Variants in PHACTR1 observed in about 807,000 individuals in gnomAD.
PHACTR1 encodes the protein RPEL repeat containing 1.
In PHACTR1, 16 loss-of-function variants were observed where a neutral mutation model predicts 69.2. The observed-to-expected ratio is 0.23, with a 90% CI of 0.16 to 0.35. The LOEUF (loss-of-function observed/expected upper bound fraction) is 0.35, where lower values mean the gene tolerates loss of function less well. PHACTR1 is among the 10% of genes least tolerant of loss of function. The pLI, the probability that PHACTR1 is intolerant of heterozygous loss-of-function variation, is 1.00. For missense variants in PHACTR1, 510 were observed against 734.7 expected (o/e 0.69, Z 3.54); for synonymous variants, 312 against 284.5 (o/e 1.10, Z -0.97).
intron 13 of PHACTR1, among the ~76,000 whole-genome samples, chr6:13,284,543 A>AAAATATAT (rs1554187813): frequency 3.3e-5 from 2 of 61,352 alleles, no homozygotes; most frequent in African/African-American, 2.1e-4. Context: ...AAAAAAAAAA[A>AAAATATAT]ATATATATAT....
At chr6:12,987,134 A>G (rs895506498) in intron 4 of PHACTR1, among the ~76,000 whole-genome samples, 2 of 152,232 alleles carry the variant, frequency 1.3e-5, no homozygotes, top group African/African-American at 2.4e-5. Context: ...ATTATAGCCA[A>G]TAATCTATTA....
chr6:13,083,586 G>A lies in PHACTR1; in HGVS notation c.415+30057G>A, dbSNP rs572117485. On this transcript the variant is annotated intron_variant, in intron 5 of 14. Coordinates refer to ENST00000332995, the MANE Select transcript of PHACTR1 (RefSeq NM_030948.6). Reference sequence around the variant, plus strand: ...TTCTTCCTACCCATGAGCATGGAATGTTCTTCCATTTGTTTGTATCCTCTT... The same window carrying A: ...TTCTTCCTACCCATGAGCATGGAATATTCTTCCATTTGTTTGTATCCTCTT... Among the ~76,000 whole-genome samples the A allele has an allele frequency of 3.4e-3, 513 of 152,130 alleles. 3 individuals carry two copies. The highest frequency in any genetic ancestry group is 0.012 in the African/African-American group (496 of 41,494).
At chr6:12,884,428 T>C (rs1308975501) in intron 4 of PHACTR1, among the ~76,000 whole-genome samples, 2 of 150,662 alleles carry the variant, frequency 1.3e-5, no homozygotes, top group Admixed American at 6.6e-5. Flanking sequence ...TTAGACGGAG[T>C]CTCACTCTGT....
At chr6:13,086,647 G>A (rs372697714) in intron 5 of PHACTR1, among the ~76,000 whole-genome samples, 73 of 152,156 alleles carry the variant, frequency 4.8e-4, no homozygotes, top group African/African-American at 1.5e-3. Flanking sequence ...TGTATCTGTC[G>A]TTTATTCCTT....
chr6:13,227,977 C>A lies in PHACTR1; in HGVS notation c.1148C>A (p.Ser383Ter). The change falls in exon 9 of 15, where the codon TCA becomes TAA. Residue 383 changes from serine (S) to a stop codon, truncating the protein, a stop_gained. Coordinates refer to ENST00000332995, the MANE Select transcript of PHACTR1 (RefSeq NM_030948.6). LOFTEE classifies it high-confidence loss of function. Reference sequence around the variant, plus strand: ...AATAAAGAAAATGTGCCTCATGAGTCAGACTACGAAGACTCTTCTTGCCTG... The same window carrying A: ...AATAAAGAAAATGTGCCTCATGAGTAAGACTACGAAGACTCTTCTTGCCTG... ...DDNKENVPHE[S>*]DYEDSSCLYT... 6.2e-7 allele frequency: 1 copy of A among 1,613,988 alleles called. No individual in the cohort carries two copies. Among genetic ancestry groups the A allele is most frequent in the South Asian group, 1.1e-5 (1 of 91,066 alleles).
intron 4 of PHACTR1, among the ~76,000 whole-genome samples, chr6:12,993,776 A>G (rs925634008): frequency 6.6e-6 from 1 of 152,222 alleles, no homozygotes; most frequent in Non-Finnish European, 1.5e-5. Context: ...GGATTTGGGA[A>G]TCCTGGAGCT....
chr6:12,780,689 T>A (rs908182253), intron 4 of PHACTR1, among the ~76,000 whole-genome samples: 18 of 152,200 alleles, frequency 1.2e-4, no homozygotes, highest in Non-Finnish European at 2.6e-4. Flanking sequence ...CTGCCTGCCC[T>A]GTATTTGAGG....
chr6:12,895,670 T>A (rs1436062944), intron 4 of PHACTR1, among the ~76,000 whole-genome samples: 1 of 152,210 alleles, frequency 6.6e-6, no homozygotes, highest in Non-Finnish European at 1.5e-5. Flanking sequence ...GATTGCATAC[T>A]CCACACCTTT....
At chr6:13,203,097 G>C (rs2113858158) in intron 7 of PHACTR1, among the ~76,000 whole-genome samples, 1 of 152,332 alleles carries the variant, frequency 6.6e-6, no homozygotes, top group South Asian at 2.1e-4. Flanking sequence ...TGCCACAACT[G>C]CGTGATCCTA....
chr6:13,133,452 C>T (rs1041223823), intron 5 of PHACTR1, among the ~76,000 whole-genome samples: 3 of 151,980 alleles, frequency 2.0e-5, no homozygotes, highest in African/African-American at 4.8e-5. Context: ...CGCCGCCACA[C>T]CTGACTGGTT....
At chr6:13,083,543 C>T (rs1811761327) in intron 5 of PHACTR1, among the ~76,000 whole-genome samples, 2 of 150,956 alleles carry the variant, frequency 1.3e-5, no homozygotes, top group Non-Finnish European at 1.5e-5. Context: ...GGCAGTATGG[C>T]CATTTTCACG....
intron 4 of PHACTR1, among the ~76,000 whole-genome samples, chr6:12,883,756 T>C (rs985981429): frequency 6.6e-6 from 1 of 152,286 alleles, no homozygotes; most frequent in East Asian, 1.9e-4. Flanking sequence ...GGCATCTTGA[T>C]AGTGCTCACA....
intron 6 of PHACTR1, among the ~76,000 whole-genome samples, chr6:13,168,917 C>T (rs1760208829): frequency 6.6e-6 from 1 of 151,992 alleles, no homozygotes; most frequent in African/African-American, 2.4e-5. Flanking sequence ...CAGTGAGGTG[C>T]TTTGGGAGGG....
At chr6:13,236,549 C>T (rs372315410) in intron 10 of PHACTR1, among the ~76,000 whole-genome samples, 2 of 152,108 alleles carry the variant, frequency 1.3e-5, no homozygotes, top group African/African-American at 4.8e-5. Context: ...TTTGGTCTTC[C>T]TTGGCTTGTG....
intron 4 of PHACTR1, among the ~76,000 whole-genome samples, chr6:12,928,645 A>G (rs9296523): frequency 0.19 from 22,906 of 122,356 alleles, 4,315 homozygotes; most frequent in African/African-American, 0.5. Context: ...CCATCCGTTC[A>G]TGTGGTGAGC....
intron 4 of PHACTR1, among the ~76,000 whole-genome samples, chr6:12,859,640 G>A (rs953957977): frequency 2.6e-5 from 4 of 152,274 alleles, no homozygotes; most frequent in East Asian, 1.9e-4. Flanking sequence ...CTCAAGAACC[G>A]TGTGTGCAAG....
chr6:13,132,687 A>C (rs1820652302), intron 5 of PHACTR1, among the ~76,000 whole-genome samples: 1 of 151,848 alleles, frequency 6.6e-6, no homozygotes, highest in Non-Finnish European at 1.5e-5. Flanking sequence ...CATCATGTCC[A>C]AAAAACAATG....
chr6:12,968,643 T>A (rs1467394061), intron 4 of PHACTR1, among the ~76,000 whole-genome samples: 2 of 152,220 alleles, frequency 1.3e-5, no homozygotes, highest in Non-Finnish European at 2.9e-5. Context: ...TGAGCTTTTT[T>A]TGTCACTAAA....
intron 4 of PHACTR1, among the ~76,000 whole-genome samples, chr6:12,772,105 G>T (rs1162941781): frequency 6.6e-6 from 1 of 152,140 alleles, no homozygotes; most frequent in Non-Finnish European, 1.5e-5. Context: ...GTGAGTGAAA[G>T]GTGAGAACAA....
Sources: gnomAD v4.1 joint callset for allele counts (sites outside exome capture counted in the v4.1 genomes callset) on GRCh38, gnomAD v4.1.1 for gene constraint, MANE v1.5 for transcripts, NCBI Gene and HGNC (gene_info 2026-07-23, HGNC 2026-07-21) for gene names.